Variants in TNS3 observed in about 807,000 individuals in gnomAD.
The protein encoded by TNS3 is tensin-3.
TNS3 carries 45 observed loss-of-function variants against 140.9 expected under a neutral mutation model. That is an observed-to-expected ratio of 0.32 (90% CI 0.25 to 0.41). The LOEUF (loss-of-function observed/expected upper bound fraction) is 0.41, where lower values mean the gene tolerates loss of function less well. TNS3 is among the 10% of genes least tolerant of loss of function. The pLI is 1.00. For missense variants in TNS3, 1,716 were observed against 1,906.7 expected (o/e 0.90, Z 1.86); for synonymous variants, 815 against 788.4 (o/e 1.03, Z -0.56).
chr7:47,524,811 G>GAAAAAAAAAAA lies in TNS3; in HGVS notation c.-153+4214_-153+4224dup, dbSNP rs58986640. 2.5e-4 allele frequency among the ~76,000 whole-genome samples: 23 copies of GAAAAAAAAAAA among 93,002 alleles called. 2 individuals are homozygous for GAAAAAAAAAAA. Among genetic ancestry groups the GAAAAAAAAAAA allele is most frequent in the African/African-American group, 1.3e-3 (23 of 17,150 alleles). The allele number at this position is 93,002 out of a possible 152,430, so 61.0% of individuals were successfully genotyped here. On this transcript the variant is annotated intron_variant, in intron 2 of 30. Coordinates refer to ENST00000311160, the MANE Select transcript of TNS3 (RefSeq NM_022748.12). ...GCGACAGAGCGAGACTCCGTCTCAA[G>GAAAAAAAAAAA]AAAAAAAAAAAAAAAAAAAAAAAAA...
chr7:47,575,550 T>C (rs1800654791), intron 1 of TNS3, among the ~76,000 whole-genome samples: 2 of 152,046 alleles, frequency 1.3e-5, no homozygotes, highest in East Asian at 1.9e-4. Context: ...GCGCGGTGGC[T>C]CACGCCTGTA....
chr7:47,554,410 T>C (rs1403056145), intron 1 of TNS3, among the ~76,000 whole-genome samples: 9 of 137,382 alleles, frequency 6.6e-5, no homozygotes, highest in Non-Finnish European at 1.1e-4. Context: ...AGAGGAAGAC[T>C]CCATCTCAAA....
rs1405437470 is a variant in TNS3, at chr7:47,438,108, C to G, written c.151-795G>C. Among the ~76,000 whole-genome samples the G allele has an allele frequency of 1.1e-4, 17 of 152,194 alleles. No individual in the cohort carries two copies. In the East Asian group the frequency reaches 3.3e-3, roughly 29 times the overall value. ...CAAGGAGCCTTAAAAATTAACTAAACGTCCCTCTCACTTCAGAGTCAGAGA... is the reference window on the plus strand; with the variant it reads ...CAAGGAGCCTTAAAAATTAACTAAAGGTCCCTCTCACTTCAGAGTCAGAGA... On this transcript the variant is annotated intron_variant, in intron 6 of 30. Transcript: ENST00000311160.
chr7:47,457,749 T>G (rs1341755220), intron 4 of TNS3, among the ~76,000 whole-genome samples: 2 of 152,196 alleles, frequency 1.3e-5, no homozygotes, highest in Admixed American at 1.3e-4. Flanking sequence ...CAGAGCGTAT[T>G]ACAGTTGAAG....
intron 5 of TNS3, 144 bp downstream of exon 5, chr7:47,441,859 T>TA (rs1795481292): frequency 1.7e-6 from 1 of 575,556 alleles, no homozygotes; most frequent in Non-Finnish European, 2.9e-6. Context: ...ACCTGGCCTG[T>TA]ATCACCTTTG....
intron 8 of TNS3, among the ~76,000 whole-genome samples, chr7:47,431,016 C>T (rs1298491395): frequency 3.9e-5 from 6 of 152,096 alleles, no homozygotes; most frequent in South Asian, 2.1e-4. Context: ...AGCCACCGCG[C>T]CTGGCCTCAA....
Position 47,420,952 on chromosome 7 carries a change from G to C in TNS3, c.473+3149C>G, listed in dbSNP as rs147985651. Among the ~76,000 whole-genome samples the C allele has an allele frequency of 1.9e-3, 287 of 152,202 alleles. 1 individual carries two copies. Among genetic ancestry groups the C allele is most frequent in the African/African-American group, 6.6e-3 (274 of 41,534 alleles). ...TTTCTGTATGCCAAGACATTTGTTT[G>C]GTCTGTCTTCCCTTTACCTCAAAGG... is the stretch of plus-strand genomic sequence containing the variant. On this transcript the variant is annotated intron_variant, in intron 10 of 30. Transcript: ENST00000311160.
intron 20 of TNS3, among the ~76,000 whole-genome samples, chr7:47,341,168 AT>A (rs1788991752): frequency 6.6e-6 from 1 of 152,162 alleles, no homozygotes; most frequent in South Asian, 2.1e-4. Context: ...GGAGTTTTGT[AT>A]CTGAATCTGC....
At chr7:47,531,539 T>C (rs1799403402) in intron 1 of TNS3, among the ~76,000 whole-genome samples, 1 of 152,224 alleles carries the variant, frequency 6.6e-6, no homozygotes, top group African/African-American at 2.4e-5. Flanking sequence ...CACAGGTAAA[T>C]TTATGAGTTT....
At chr7:47,351,129 T>G (rs1789645141) in intron 17 of TNS3, among the ~76,000 whole-genome samples, 1 of 152,174 alleles carries the variant, frequency 6.6e-6, no homozygotes, top group Non-Finnish European at 1.5e-5. Context: ...GAACAAAGCT[T>G]CTTTTATTTT....
At chr7:47,328,117 C>A (rs957423152) in intron 20 of TNS3, among the ~76,000 whole-genome samples, 1 of 152,152 alleles carries the variant, frequency 6.6e-6, no homozygotes, top group African/African-American at 2.4e-5. Context: ...GCGGTGGCGT[C>A]CCCCACCCAC....
chr7:47,425,050 G>A, intron 9 of TNS3, among the ~76,000 whole-genome samples: 1 of 152,210 alleles, frequency 6.6e-6, no homozygotes, highest in East Asian at 1.9e-4. Context: ...TGGGTGCGGT[G>A]GCTCACGCCT....
At position 47,396,688 on chromosome 7, in the gene TNS3, A is replaced by C. The variant is rs147014122; in HGVS notation, c.1024+112T>G. The C allele has an allele frequency of 9.9e-3, 8,484 of 859,958 alleles. 64 individuals carry two copies. Among genetic ancestry groups the C allele is most frequent in the Non-Finnish European group, 0.012 (6,260 of 516,918 alleles). 53.3% of individuals were successfully genotyped at this position (859,958 alleles called of 1,614,324 possible). ...GGTGTGATTCTGGACCTCTGAGAAA[A>C]CAGGGGAAATTTTTTCTTCTTAGCA... is the stretch of plus-strand genomic sequence containing the variant. On this transcript the variant is annotated intron_variant, in intron 16 of 30. Coordinates refer to ENST00000311160, the MANE Select transcript of TNS3 (RefSeq NM_022748.12).
chr7:47,456,578 A>G (rs191994823), intron 4 of TNS3, among the ~76,000 whole-genome samples: 2 of 152,344 alleles, frequency 1.3e-5, no homozygotes, highest in Non-Finnish European at 2.9e-5. Flanking sequence ...GGGGCAATCA[A>G]CGGAGGCCAG....
At chr7:47,409,339 T>A (rs1212777060) in intron 13 of TNS3, among the ~76,000 whole-genome samples, 1 of 147,418 alleles carries the variant, frequency 6.8e-6, no homozygotes, top group African/African-American at 2.5e-5. Flanking sequence ...GGGCCCCGCC[T>A]GGTCTCAGGA....
chr7:47,364,079 C>G (rs763891271), intron 17 of TNS3, among the ~76,000 whole-genome samples: 1 of 152,036 alleles, frequency 6.6e-6, no homozygotes, highest in Non-Finnish European at 1.5e-5. Flanking sequence ...CACTTGTACG[C>G]GTGTCCCTGC....
chr7:47,449,972 T>C (rs944146733), intron 4 of TNS3, among the ~76,000 whole-genome samples: 2 of 152,176 alleles, frequency 1.3e-5, no homozygotes, highest in Non-Finnish European at 2.9e-5. Context: ...TCGTCTGAGC[T>C]CTACAGCCCC....
chr7:47,496,153 T>A (rs1164991043), intron 3 of TNS3, among the ~76,000 whole-genome samples: 1 of 152,114 alleles, frequency 6.6e-6, no homozygotes, highest in Non-Finnish European at 1.5e-5. Context: ...GAAGCATACA[T>A]TATAGACTCT....
chr7:47,433,164 G>A (rs1795006433), intron 8 of TNS3, among the ~76,000 whole-genome samples: 2 of 152,216 alleles, frequency 1.3e-5, no homozygotes, highest in African/African-American at 2.4e-5. Flanking sequence ...GGCTGAGACA[G>A]GCCCAGCTAC....
Sources: allele counts gnomAD v4.1 joint callset (sites outside exome capture counted in the v4.1 genomes callset), GRCh38; gene constraint gnomAD v4.1.1; transcripts MANE v1.5; gene names NCBI Gene and HGNC (gene_info 2026-07-23, HGNC 2026-07-21).